LRRC1: variants seen among roughly 807,000 people sequenced by gnomAD.
The protein encoded by LRRC1 is leucine-rich repeat-containing protein 1.
A neutral mutation model predicts 69.9 loss-of-function variants in LRRC1; 28 were observed. The ratio of observed to expected loss-of-function variants is 0.40; its 90% confidence interval spans 0.30 to 0.55. LRRC1 has a LOEUF of 0.55. LRRC1 is among the 20% of genes least tolerant of loss of function. The pLI is 0.47. For synonymous variants in LRRC1, 236 were observed against 240.2 expected, an observed-to-expected ratio of 0.98 and a Z score of 0.16; for missense variants, 498 against 609.0, an observed-to-expected ratio of 0.82 and a Z score of 1.92.
chr6:53,890,668 TA>T (rs1254008903), intron 4 of LRRC1, among the ~76,000 whole-genome samples: 1 of 152,174 alleles, frequency 6.6e-6, no homozygotes, highest in Admixed American at 6.5e-5. Context: ...AAAGATTTTT[TA>T]AAAAAAGTTT....
intron 3 of LRRC1, among the ~76,000 whole-genome samples, chr6:53,879,523 A>G (rs1349889741): frequency 6.6e-6 from 1 of 151,982 alleles, no homozygotes; most frequent in African/African-American, 2.4e-5. Context: ...TGACCTCGTG[A>G]TCCACCCACC....
intron 1 of LRRC1, among the ~76,000 whole-genome samples, chr6:53,834,960 TC>T (rs1345902421): frequency 1.3e-5 from 2 of 152,170 alleles, no homozygotes; most frequent in African/African-American, 4.8e-5. Context: ...AGACTCCGTC[TC>T]AAAAAATAAT....
At chr6:53,851,345 GGT>G (rs1766129612) in intron 2 of LRRC1, among the ~76,000 whole-genome samples, 1 of 152,106 alleles carries the variant, frequency 6.6e-6, no homozygotes, top group South Asian at 2.1e-4. Context: ...GAAAGCCAGT[GGT>G]GTAATTCCAG....
At chr6:53,821,262 C>G (rs1348876958) in intron 1 of LRRC1, among the ~76,000 whole-genome samples, 1 of 152,172 alleles carries the variant, frequency 6.6e-6, no homozygotes, top group Non-Finnish European at 1.5e-5. Flanking sequence ...TCTGCTTTCT[C>G]TCTAAGGACA....
intron 8 of LRRC1, among the ~76,000 whole-genome samples, chr6:53,902,327 C>T (rs1305825998): frequency 3.3e-5 from 5 of 152,086 alleles, no homozygotes; most frequent in African/African-American, 9.7e-5. Flanking sequence ...CATGAAACAC[C>T]TCCACGGAGA....
At chr6:53,871,386 G>A (rs79959227) in intron 2 of LRRC1, among the ~76,000 whole-genome samples, 28,414 of 152,046 alleles carry the variant, frequency 0.19, 2,911 homozygotes, top group Middle Eastern at 0.33. Flanking sequence ...CCTTGTGATT[G>A]GTAATGCTGG....
intron 1 of LRRC1, among the ~76,000 whole-genome samples, chr6:53,826,811 C>A (rs1281377674): frequency 2.0e-5 from 3 of 152,048 alleles, no homozygotes; most frequent in Non-Finnish European, 4.4e-5. Context: ...CAAACACAAA[C>A]CATTTTAATA....
chr6:53,861,807 C>T (rs1485534702), intron 2 of LRRC1, among the ~76,000 whole-genome samples: 1 of 151,930 alleles, frequency 6.6e-6, no homozygotes, highest in Non-Finnish European at 1.5e-5. Flanking sequence ...GGCTGAGTCT[C>T]TAATTGACAA....
intron 2 of LRRC1, among the ~76,000 whole-genome samples, chr6:53,873,873 G>T (rs1766980230): frequency 6.6e-6 from 1 of 152,126 alleles, no homozygotes; most frequent in African/African-American, 2.4e-5. Context: ...GATGTTCATT[G>T]TGGGTTTGTC....
intron 13 of LRRC1, 26 bp downstream of exon 13, chr6:53,920,787 CTG>C (rs1768716645): frequency 1.9e-6 from 3 of 1,613,398 alleles, no homozygotes; most frequent in Non-Finnish European, 2.5e-6. Flanking sequence ...TTCTTTGCCT[CTG>C]TGGAAGTTCA....
intron 2 of LRRC1, among the ~76,000 whole-genome samples, chr6:53,847,089 A>C (rs1471110583): frequency 2.6e-5 from 4 of 152,238 alleles, no homozygotes; most frequent in Non-Finnish European, 4.4e-5. Context: ...CTGGTACTGC[A>C]AAACAGCAAT....
Position 53,899,857 on chromosome 6 carries a change from C to T in LRRC1, c.753C>T (p.Ser251=), listed in dbSNP as rs758553870. ...CTTCATTAACGGATTTAGTCATTTCCCAGAACTTATTAGAAACGATTCCGG... is the reference window on the plus strand; with the variant it reads ...CTTCATTAACGGATTTAGTCATTTCTCAGAACTTATTAGAAACGATTCCGG... ...GLTSLTDLVI[S]QNLLETIPDG... is the part of the protein sequence containing the mutation. Residue 251 remains serine, a synonymous_variant, in exon 8 of 14, where the codon TCC becomes TCT. Coordinates refer to ENST00000370888, the MANE Select transcript of LRRC1 (RefSeq NM_018214.5). 42 of 1,613,886 alleles carry T rather than the reference C, an allele frequency of 2.6e-5. No individual in the cohort carries two copies. The highest frequency in any genetic ancestry group is 3.5e-5 in the Non-Finnish European group (41 of 1,179,948).
chr6:53,885,432 A>G (rs1452906728), intron 4 of LRRC1, among the ~76,000 whole-genome samples: 1 of 152,240 alleles, frequency 6.6e-6, no homozygotes, highest in Non-Finnish European at 1.5e-5. Flanking sequence ...TGTTTTGCAT[A>G]GAAGACATAC....
chr6:53,882,677 C>A (rs1767337648), intron 3 of LRRC1, among the ~76,000 whole-genome samples: 2 of 152,080 alleles, frequency 1.3e-5, no homozygotes, highest in Non-Finnish European at 2.9e-5. Flanking sequence ...GTTTATCATG[C>A]CCCTGTACAT....
intron 1 of LRRC1, among the ~76,000 whole-genome samples, chr6:53,840,030 A>G (rs1306403452): frequency 6.6e-6 from 1 of 152,138 alleles, no homozygotes; most frequent in Non-Finnish European, 1.5e-5. Flanking sequence ...TATTCAAGCA[A>G]CATTTTGGAA....
intron 2 of LRRC1, among the ~76,000 whole-genome samples, chr6:53,845,093 C>A (rs6934444): frequency 0.64 from 96,825 of 151,740 alleles, 31,221 homozygotes; most frequent in East Asian, 0.94. Context: ...AATCCCAGCT[C>A]CTCAGGAGGC....
chr6:53,900,035 T>TTGTTTTG, intron 8 of LRRC1, 144 bp downstream of exon 8: 1 of 607,988 alleles, frequency 1.6e-6, no homozygotes, highest in Admixed American at 3.9e-5. Context: ...TTTTTTTTTT[T>TTGTTTTG]TTTTTTTTTT....
chr6:53,796,055 C>T (rs1226865401), intron 1 of LRRC1, among the ~76,000 whole-genome samples: 1 of 152,192 alleles, frequency 6.6e-6, no homozygotes, highest in Non-Finnish European at 1.5e-5. Context: ...TGCCCAGATG[C>T]CGGCCGCCCG....
rs1326950737 is a variant in LRRC1, at chr6:53,795,228, G to T, written c.-29G>T. Reference sequence around the variant, plus strand: ...CGGAGCCCGGGTCTCCGCCGCTCGGGACCCGGCTAGGCGGCGGCGGGGGCG... The same window carrying T: ...CGGAGCCCGGGTCTCCGCCGCTCGGTACCCGGCTAGGCGGCGGCGGGGGCG... On this transcript the variant is annotated 5_prime_UTR_variant, in exon 1 of 14. Coordinates refer to ENST00000370888, the MANE Select transcript of LRRC1 (RefSeq NM_018214.5). 1.3e-6 allele frequency: 2 copies of T among 1,581,188 alleles called. No individual in the cohort carries two copies. Among genetic ancestry groups the T allele is most frequent in the South Asian group, 1.1e-5 (1 of 87,664 alleles).
Sources: gnomAD v4.1 joint callset for allele counts (sites outside exome capture counted in the v4.1 genomes callset) on GRCh38, gnomAD v4.1.1 for gene constraint, MANE v1.5 for transcripts, NCBI Gene and HGNC (gene_info 2026-07-23, HGNC 2026-07-21) for gene names.